Variants in DEPDC5 observed in about 807,000 individuals in gnomAD.
DEPDC5 encodes DEP domain containing 5, GATOR1 subcomplex subunit.
In DEPDC5, 73 loss-of-function variants were observed where a neutral mutation model predicts 217.3. The observed-to-expected ratio is 0.34, with a 90% CI of 0.28 to 0.41. DEPDC5 has a LOEUF of 0.41. Ranked by LOEUF, DEPDC5 falls within the 10% of genes least tolerant of loss-of-function variation. DEPDC5 has a pLI of 1.00. For synonymous variants in DEPDC5, 733 were observed against 756.7 expected (o/e 0.97, Z 0.51); for missense variants, 1,675 against 2,070.1 (o/e 0.81, Z 3.70).
intron 33 of DEPDC5, among the ~76,000 whole-genome samples, chr22:31,866,054 G>T (rs150164321): frequency 1.7e-3 from 262 of 152,308 alleles, no homozygotes; most frequent in African/African-American, 5.4e-3. Flanking sequence ...TGACCCACCA[G>T]CATGAGAAAG....
intron 10 of DEPDC5, among the ~76,000 whole-genome samples, chr22:31,786,424 TA>T (rs138288): frequency 0.21 from 16,760 of 80,128 alleles, 1,830 homozygotes; most frequent in African/African-American, 0.41. Context: ...ATGTGGTAGC[TA>T]AAAAAAAAAA....
chr22:31,827,970 G>T (rs1332093793), intron 24 of DEPDC5, among the ~76,000 whole-genome samples: 1 of 152,056 alleles, frequency 6.6e-6, no homozygotes, highest in Admixed American at 6.6e-5. Context: ...TCGCTCTCTC[G>T]CTTCCTTCAG....
At chr22:31,845,286 C>G (rs1427931364) in intron 30 of DEPDC5, 49 bp downstream of exon 30, 1 of 1,567,498 alleles carries the variant, frequency 6.4e-7, no homozygotes, top group Admixed American at 1.9e-5. Flanking sequence ...AGATGCAGGG[C>G]CTGCCACCTC....
chr22:31,760,533 C>G, intron 3 of DEPDC5, 123 bp from the exon 4 acceptor site: 1 of 792,840 alleles, frequency 1.3e-6, no homozygotes, highest in Non-Finnish European at 2.0e-6. Context: ...GGAGCTTTCT[C>G]CCGTTGTTGT....
At chr22:31,835,942 CTGTTAGCA>C (rs1212116755) in intron 25 of DEPDC5, among the ~76,000 whole-genome samples, 2 of 152,244 alleles carry the variant, frequency 1.3e-5, no homozygotes, top group African/African-American at 4.8e-5. Context: ...ACATTATAAG[CTGTTAGCA>C]TGGTACAAAA....
At chr22:31,791,900 C>G (rs1288842734) in intron 10 of DEPDC5, 133 bp from the exon 11 acceptor site, 1 of 418,976 alleles carries the variant, frequency 2.4e-6, no homozygotes, top group Non-Finnish European at 3.9e-6. Flanking sequence ...GCACTCCAGC[C>G]TGGTGGCAGA....
At chr22:31,874,728 C>T (rs1344897068) in intron 36 of DEPDC5, among the ~76,000 whole-genome samples, 1 of 152,144 alleles carries the variant, frequency 6.6e-6, no homozygotes, top group Non-Finnish European at 1.5e-5. Context: ...CCAGTTTCCC[C>T]TGGTCAATGC....
chr22:31,858,286 G>C (rs1490828920), intron 32 of DEPDC5: 1 of 152,150 alleles, frequency 6.6e-6, no homozygotes, highest in East Asian at 1.9e-4. Context: ...GAGTATCCTG[G>C]GGTGGGGGGA....
At chr22:31,819,524 A>C (rs1209824284) in intron 22 of DEPDC5, among the ~76,000 whole-genome samples, 1 of 146,486 alleles carries the variant, frequency 6.8e-6, no homozygotes, top group African/African-American at 2.5e-5. Flanking sequence ...GCTGGAGTGC[A>C]GTGGTGCAGT....
chr22:31,812,413 C>T (rs149401731), intron 20 of DEPDC5, among the ~76,000 whole-genome samples: 3,529 of 148,294 alleles, frequency 0.024, 60 homozygotes, highest in African/African-American at 0.039. Context: ...ATCAATTTTC[C>T]ATATTTCTTT....
At chr22:31,832,088 G>A (rs1278592934) in intron 24 of DEPDC5, among the ~76,000 whole-genome samples, 2 of 152,190 alleles carry the variant, frequency 1.3e-5, no homozygotes, top group East Asian at 1.9e-4. Flanking sequence ...CATCCACGTT[G>A]CCACGTGTCA....
At chr22:31,766,170 C>T (rs2082801715) in intron 5 of DEPDC5, among the ~76,000 whole-genome samples, 2 of 152,204 alleles carry the variant, frequency 1.3e-5, no homozygotes, top group Non-Finnish European at 2.9e-5. Flanking sequence ...GTAAAACTTT[C>T]TATTAAAATA....
At chr22:31,799,184 C>A (rs1487065314) in intron 14 of DEPDC5, among the ~76,000 whole-genome samples, 1 of 151,090 alleles carries the variant, frequency 6.6e-6, no homozygotes, top group African/African-American at 2.4e-5. Context: ...TCTGGGATTA[C>A]AGGTGCGCAT....
At chr22:31,767,095 C>T (rs1199823346) in intron 6 of DEPDC5, among the ~76,000 whole-genome samples, 1 of 151,958 alleles carries the variant, frequency 6.6e-6, no homozygotes, top group East Asian at 1.9e-4. Context: ...GCTTCCAGAT[C>T]ACACTGCTTT....
At chr22:31,886,881 C>T (rs901053201) in intron 38 of DEPDC5, among the ~76,000 whole-genome samples, 12 of 148,724 alleles carry the variant, frequency 8.1e-5, no homozygotes, top group African/African-American at 2.2e-4. Context: ...CCAGCCTGGC[C>T]AACATGGTGA....
chr22:31,756,332 C>G (rs1260084042), intron 2 of DEPDC5, among the ~76,000 whole-genome samples: 1 of 152,154 alleles, frequency 6.6e-6, no homozygotes, highest in African/African-American at 2.4e-5. Context: ...ACATGTAATG[C>G]ATTTAGCAGA....
intron 10 of DEPDC5, among the ~76,000 whole-genome samples, chr22:31,786,357 C>A (rs1276826932): frequency 2.8e-5 from 4 of 144,786 alleles, no homozygotes; most frequent in Non-Finnish European, 4.5e-5. Context: ...GAATTGCAGA[C>A]CAGCCCCAGC....
chr22:31,788,727 C>A (rs1025962151), intron 10 of DEPDC5, among the ~76,000 whole-genome samples: 12 of 152,044 alleles, frequency 7.9e-5, no homozygotes, highest in Middle Eastern at 3.4e-3. Context: ...GCGCCCACCA[C>A]CACGCCCATC....
rs574004564 is a variant in DEPDC5 at position 31,836,296 on chromosome 22, G to A, written c.2171-676G>A. 2.6e-5 allele frequency among the ~76,000 whole-genome samples: 4 copies of A among 152,346 alleles called. No homozygotes were observed. The South Asian group carries it at 6.2e-4, about 24-fold the overall frequency. The stretch of plus-strand genomic sequence containing the variant: ...AAGAATTATCTGGTTCAAAGTCTCT[G>A]TTGTTGCCGAGGCTGAGAAACTCTG... On this transcript the variant is annotated intron_variant, in intron 25 of 42. Transcript: ENST00000651528.
Sources: gnomAD v4.1 joint callset for allele counts (sites outside exome capture counted in the v4.1 genomes callset) on GRCh38, gnomAD v4.1.1 for gene constraint, MANE v1.5 for transcripts, NCBI Gene and HGNC (gene_info 2026-07-23, HGNC 2026-07-21) for gene names.